Variants in ABCA13 observed in about 807,000 individuals in gnomAD.
ABCA13 encodes the protein ATP binding cassette subfamily A member 13.
ABCA13 carries 476 observed loss-of-function variants against 478.7 expected under a neutral mutation model. The observed-to-expected ratio is 0.99, with a 90% CI of 0.92 to 1.07. The LOEUF (loss-of-function observed/expected upper bound fraction) is 1.07, where lower values mean the gene tolerates loss of function less well. ABCA13 is among the 50% of genes least tolerant of loss of function. The probability of loss-of-function intolerance (pLI) is 0.00; values close to 1 mark genes in which losing one functional copy is unlikely to be tolerated. For missense variants in ABCA13, 6,060 were observed against 5,910.6 expected (o/e 1.03, Z -0.83); for synonymous variants, 2,252 against 2,158.9 (o/e 1.04, Z -1.20).
chr7:48,502,750 A>T (rs1830866553), intron 48 of ABCA13, among the ~76,000 whole-genome samples: 1 of 152,216 alleles, frequency 6.6e-6, no homozygotes, highest in Admixed American at 6.5e-5. Context: ...AAACAGGCAT[A>T]ATAATTCTGA....
At chr7:48,430,401 C>T (rs747637469) in intron 42 of ABCA13, among the ~76,000 whole-genome samples, 1 of 151,896 alleles carries the variant, frequency 6.6e-6, no homozygotes, top group Non-Finnish European at 1.5e-5. Context: ...GTTTGTCAGG[C>T]GTGGTGGCTC....
intron 1 of ABCA13, among the ~76,000 whole-genome samples, chr7:48,181,338 C>CT (rs201393029): frequency 0.016 from 2,478 of 152,164 alleles, 29 homozygotes; most frequent in Admixed American, 0.027. Context: ...TAGTTATCCT[C>CT]TTTTTTTCTT....
At chr7:48,198,155 T>C in intron 2 of ABCA13, 82 bp from the exon 3 acceptor site, 1 of 1,323,806 alleles carries the variant, frequency 7.6e-7, no homozygotes, top group Non-Finnish European at 1.0e-6. Context: ...TATGATGTTA[T>C]ATATTACAAT....
intron 55 of ABCA13, among the ~76,000 whole-genome samples, chr7:48,579,951 T>C (rs923110334): frequency 1.3e-5 from 2 of 152,176 alleles, no homozygotes; most frequent in African/African-American, 4.8e-5. Context: ...TTATACTGAA[T>C]TTTTAGGCAG....
intron 56 of ABCA13, among the ~76,000 whole-genome samples, chr7:48,582,692 C>T (rs1788821308): frequency 6.6e-6 from 1 of 152,142 alleles, no homozygotes; most frequent in East Asian, 1.9e-4. Context: ...TGAGCCAGTC[C>T]ACCTGTGCTC....
chr7:48,486,764 A>C (rs1829345035), intron 47 of ABCA13, among the ~76,000 whole-genome samples: 1 of 152,160 alleles, frequency 6.6e-6, no homozygotes, highest in Admixed American at 6.5e-5. Context: ...TTGGCCAGGA[A>C]TGAACATGTG....
At chr7:48,480,943 A>T (rs1351264300) in intron 45 of ABCA13, 93 bp from the exon 46 acceptor site, 10 of 774,418 alleles carry the variant, frequency 1.3e-5, no homozygotes, top group Non-Finnish European at 2.0e-5. Context: ...ATTGAAAGCT[A>T]GAGAACAATC....
rs753659855 is a variant in ABCA13, at chr7:48,643,394, G to A, written c.14943+1G>A. The A allele has an allele frequency of 7.5e-6, 12 of 1,599,704 alleles. 1 individual carries two copies. The East Asian group carries it at 8.9e-5, about 12-fold the overall frequency. On this transcript the variant is annotated splice_donor_variant, in intron 60 of 61. Transcript: ENST00000435803. LOFTEE classifies it high-confidence loss of function. ...TTATTTTCCAGGAATTCAGTTCAAG[G>A]TAGTGCTAATATCTTGTATTATTTC...
intron 1 of ABCA13, among the ~76,000 whole-genome samples, chr7:48,185,756 A>G (rs1244422086): frequency 2.0e-5 from 3 of 152,124 alleles, no homozygotes; most frequent in South Asian, 4.1e-4. Flanking sequence ...TGTTGTAGAA[A>G]GTTATTGAGG....
intron 15 of ABCA13, among the ~76,000 whole-genome samples, chr7:48,264,041 T>A (rs575681961): frequency 8.1e-4 from 123 of 152,058 alleles, no homozygotes; most frequent in African/African-American, 2.9e-3. Context: ...TAAATGGACA[T>A]ATGCAGTATG....
chr7:48,479,622 G>C (rs898621346), intron 45 of ABCA13, among the ~76,000 whole-genome samples: 1 of 152,136 alleles, frequency 6.6e-6, no homozygotes, highest in Admixed American at 6.6e-5. Flanking sequence ...TTTGCCTCCT[G>C]TTTAGCTGAA....
At position 48,453,599 on chromosome 7, in the gene ABCA13, G is replaced by A. The variant is rs192451383; in HGVS notation, c.12566-1438G>A. ...TCCTTGCTATTCACAGAGAATGCCA[G>A]GCCTATTTATACCTCCTGTTTTGAT... On this transcript the variant is annotated intron_variant, in intron 42 of 61. Transcript: ENST00000435803. 3.3e-4 allele frequency among the ~76,000 whole-genome samples: 50 copies of A among 152,250 alleles called. 1 individual carries two copies. The highest frequency in any genetic ancestry group is 2.6e-3 in the Admixed American group (40 of 15,290).
chr7:48,358,150 G>T (rs1225616949), intron 31 of ABCA13, among the ~76,000 whole-genome samples: 2 of 138,166 alleles, frequency 1.4e-5, no homozygotes, highest in Non-Finnish European at 3.1e-5. Flanking sequence ...TCAAAGAAAA[G>T]AAAAGAAAAA....
intron 8 of ABCA13, among the ~76,000 whole-genome samples, chr7:48,234,624 A>T (rs912985121): frequency 1.3e-5 from 2 of 152,202 alleles, no homozygotes; most frequent in African/African-American, 2.4e-5. Flanking sequence ...TTCCCTAACT[A>T]GGTGAAATAA....
At chr7:48,339,342 A>G (rs1194752234) in intron 29 of ABCA13, among the ~76,000 whole-genome samples, 2 of 152,242 alleles carry the variant, frequency 1.3e-5, no homozygotes, top group South Asian at 2.1e-4. Context: ...AATGCATTAC[A>G]TAATTTTTTC....
chr7:48,344,709 C>T (rs777486784), intron 29 of ABCA13, among the ~76,000 whole-genome samples: 2 of 152,158 alleles, frequency 1.3e-5, no homozygotes, highest in African/African-American at 4.8e-5. Context: ...AGCTGTGATT[C>T]TAGGACTCTT....
intron 55 of ABCA13, among the ~76,000 whole-genome samples, chr7:48,529,942 T>TG (rs1285797253): frequency 6.6e-6 from 1 of 152,140 alleles, no homozygotes; most frequent in Non-Finnish European, 1.5e-5. Flanking sequence ...AATAGGTTTT[T>TG]GGGGAACAGG....
chr7:48,354,434 C>T (rs1809566029), intron 31 of ABCA13, among the ~76,000 whole-genome samples: 1 of 151,964 alleles, frequency 6.6e-6, no homozygotes, highest in Non-Finnish European at 1.5e-5. Context: ...TTTTCAATTC[C>T]TACTGATCAT....
intron 57 of ABCA13, among the ~76,000 whole-genome samples, chr7:48,593,433 T>C (rs1274574664): frequency 6.6e-6 from 1 of 151,962 alleles, no homozygotes; most frequent in Non-Finnish European, 1.5e-5. Flanking sequence ...ATGTTTTAGA[T>C]GTCACAATTT....
Sources: allele counts gnomAD v4.1 joint callset (sites outside exome capture counted in the v4.1 genomes callset), GRCh38; gene constraint gnomAD v4.1.1; transcripts MANE v1.5; gene names NCBI Gene and HGNC (gene_info 2026-07-23, HGNC 2026-07-21).